AKR1B15: variants seen among roughly 807,000 people sequenced by gnomAD.
The protein encoded by AKR1B15 is aldo-keto reductase family 1 member B15.
AKR1B15 carries 49 observed loss-of-function variants against 38.5 expected under a neutral mutation model. The ratio of observed to expected loss-of-function variants is 1.27; its 90% CI spans 1.01 to 1.62. AKR1B15 has a LOEUF of 1.62. Ranked by LOEUF, AKR1B15 falls within the 40% of genes most tolerant of loss-of-function variation. The pLI, the probability that AKR1B15 is intolerant of heterozygous loss-of-function variation, is 0.00. For missense variants in AKR1B15, 411 were observed against 381.6 expected, an observed-to-expected ratio of 1.08 and a Z score of -0.64; for synonymous variants, 137 against 135.5, an observed-to-expected ratio of 1.01 and a Z score of -0.08.
At chr7:134,567,030 G>T (rs57859797) in intron 3 of AKR1B15, among the ~76,000 whole-genome samples, 10,831 of 152,294 alleles carry the variant, frequency 0.071, 643 homozygotes, top group East Asian at 0.3. Context: ...ACGTGGGGAT[G>T]ATAGATTAAA....
At chr7:134,554,235 G>C (rs1408129069) in intron 1 of AKR1B15, among the ~76,000 whole-genome samples, 2 of 152,188 alleles carry the variant, frequency 1.3e-5, no homozygotes, top group Non-Finnish European at 2.9e-5. Context: ...CCAAAGAGCA[G>C]ACTCTGCAGC....
In AKR1B15 at chr7:134,579,637, C is replaced by T; in HGVS notation, c.*88C>T. Reference sequence around the variant, plus strand: ...CCACTCAAGAACTATTTTAGCCAAGCTTATCTGAGATCACAGTGAACTTTG... The same window carrying T: ...CCACTCAAGAACTATTTTAGCCAAGTTTATCTGAGATCACAGTGAACTTTG... On this transcript the variant is annotated 3_prime_UTR_variant, in exon 12 of 12. Coordinates refer to ENST00000457545, the MANE Select transcript of AKR1B15 (RefSeq NM_001080538.3). 8.1e-7 allele frequency: 1 copy of T among 1,227,034 alleles called. No homozygotes were observed. The highest frequency in any genetic ancestry group is 1.1e-6 in the Non-Finnish European group (1 of 884,182). The allele number at this position is 1,227,034 out of a possible 1,614,324, so 76.0% of individuals were successfully genotyped here. A position where few individuals can be genotyped will look rare whatever the true frequency, so the allele number is the denominator to read the frequency against.
chr7:134,568,016 T>C (rs771425689), intron 3 of AKR1B15, 142 bp from the exon 4 acceptor site: 22 of 991,962 alleles, frequency 2.2e-5, no homozygotes, highest in Non-Finnish European at 2.9e-5. Context: ...TGGTGGTTGC[T>C]GAGTGTGGTG....
chr7:134,552,997 C>A (rs562095810), intron 1 of AKR1B15, among the ~76,000 whole-genome samples: 1 of 152,142 alleles, frequency 6.6e-6, no homozygotes, highest in Non-Finnish European at 1.5e-5. Context: ...CAACATACTA[C>A]GGACCTACTT....
chr7:134,575,300 C>T lies in AKR1B15; in HGVS notation c.514-120C>T, dbSNP rs997439739. On this transcript the variant is annotated intron_variant, in intron 6 of 11. Transcript: ENST00000457545. ...CCTGGACTGAAATTTCCTGTGAATGCTTCAGCTAACTCTGTTGCGGTGGAT... is the reference window on the plus strand; with the variant it reads ...CCTGGACTGAAATTTCCTGTGAATGTTTCAGCTAACTCTGTTGCGGTGGAT... 2.2e-5 allele frequency: 32 copies of T among 1,447,984 alleles called. No individual in the cohort carries two copies. The Admixed American group carries it at 2.7e-4, about 12-fold the overall frequency. The allele number at this position is 1,447,984 out of a possible 1,614,324, so 89.7% of individuals were successfully genotyped here. A position where few individuals can be genotyped will look rare whatever the true frequency, so the allele number is the denominator to read the frequency against.
At chr7:134,552,936 C>T (rs1411787987) in intron 1 of AKR1B15, among the ~76,000 whole-genome samples, 2 of 152,160 alleles carry the variant, frequency 1.3e-5, no homozygotes, top group Non-Finnish European at 2.9e-5. Flanking sequence ...CACTCTTCTC[C>T]AGTATGTAGA....
intron 1 of AKR1B15, among the ~76,000 whole-genome samples, chr7:134,550,571 A>G (rs1016124007): frequency 5.9e-5 from 9 of 152,142 alleles, no homozygotes; most frequent in Non-Finnish European, 8.8e-5. Flanking sequence ...GGCAAGAAAT[A>G]TTGGCTATAG....
At chr7:134,567,512 G>A (rs976267955) in intron 3 of AKR1B15, among the ~76,000 whole-genome samples, 14 of 151,982 alleles carry the variant, frequency 9.2e-5, no homozygotes, top group African/African-American at 3.4e-4. Context: ...ATTCATTACA[G>A]CATGTCATCA....
rs1189372007 is a variant in AKR1B15 at position 134,568,327 on chromosome 7, T to A, written c.318+2T>A. Reference sequence around the variant, plus strand: ...GAGGACCTGTTCATCGTCAGCAAGGTGCACATGGCGCATTTGGTGGGAGGC... The same window carrying A: ...GAGGACCTGTTCATCGTCAGCAAGGAGCACATGGCGCATTTGGTGGGAGGC... On this transcript the variant is annotated splice_donor_variant, in intron 4 of 11. Coordinates refer to ENST00000457545, the MANE Select transcript of AKR1B15 (RefSeq NM_001080538.3). LOFTEE classifies it high-confidence loss of function. 1 of 1,613,668 alleles carries A rather than the reference T, an allele frequency of 6.2e-7. No homozygotes were observed. The highest frequency in any genetic ancestry group is 8.5e-7 in the Non-Finnish European group (1 of 1,179,674).
At chr7:134,560,245 A>T (rs1182088568) in intron 2 of AKR1B15, among the ~76,000 whole-genome samples, 1 of 152,186 alleles carries the variant, frequency 6.6e-6, no homozygotes, top group Admixed American at 6.5e-5. Flanking sequence ...GTGACACTGC[A>T]CACATTCCAA....
intron 5 of AKR1B15, chr7:134,569,965 A>T (rs1273277148): frequency 6.2e-6 from 1 of 162,478 alleles, no homozygotes; most frequent in Admixed American, 5.8e-5. Context: ...AACAAGGGAG[A>T]TAACCTTAAA....
intron 6 of AKR1B15, among the ~76,000 whole-genome samples, chr7:134,571,954 G>C (rs1186032877): frequency 6.6e-6 from 1 of 152,180 alleles, no homozygotes; most frequent in Non-Finnish European, 1.5e-5. Flanking sequence ...CCAGGGTGAG[G>C]CATTTGGAAC....
intron 4 of AKR1B15, 23 bp downstream of exon 4, chr7:134,568,348 G>C: frequency 6.2e-7 from 1 of 1,612,512 alleles, no homozygotes; most frequent in Non-Finnish European, 8.5e-7. Context: ...CATTTGGTGG[G>C]AGGCCTTCAC....
At chr7:134,574,191 C>A (rs1402563027) in intron 6 of AKR1B15, among the ~76,000 whole-genome samples, 1 of 152,164 alleles carries the variant, frequency 6.6e-6, no homozygotes, top group Non-Finnish European at 1.5e-5. Context: ...CTGCATCCAG[C>A]CAGTACCTTT....
chr7:134,554,581 A>G (rs1363403978), intron 1 of AKR1B15, among the ~76,000 whole-genome samples: 2 of 152,204 alleles, frequency 1.3e-5, no homozygotes, highest in Admixed American at 6.5e-5. Flanking sequence ...CTTGTGCCCA[A>G]GTAAACACCA....
chr7:134,563,732 C>T (rs538872918), intron 2 of AKR1B15, among the ~76,000 whole-genome samples: 1 of 152,208 alleles, frequency 6.6e-6, no homozygotes, highest in South Asian at 2.1e-4. Flanking sequence ...ATCTTTCATC[C>T]CATCTCATCC....
At chr7:134,550,725 C>T (rs1793938273) in intron 1 of AKR1B15, among the ~76,000 whole-genome samples, 1 of 152,150 alleles carries the variant, frequency 6.6e-6, no homozygotes. Flanking sequence ...ACTCTTCTTC[C>T]CGGCCCCATA....
At position 134,568,311 on chromosome 7, in the gene AKR1B15, T is replaced by C. The variant is rs1475590015; in HGVS notation, c.304T>C (p.Phe102Leu). 1 of 1,614,098 alleles carries C rather than the reference T, an allele frequency of 6.2e-7. No homozygotes were observed. Among genetic ancestry groups the C allele is most frequent in the Non-Finnish European group, 8.5e-7 (1 of 1,179,976 alleles). Residue 102 changes from phenylalanine to leucine, a missense_variant, in exon 4 of 12, where the codon TTC (phenylalanine) becomes CTC (leucine). Coordinates refer to ENST00000457545, the MANE Select transcript of AKR1B15 (RefSeq NM_001080538.3). ...QEKAVMREDL[F>L]IVSKVWPTFF... Reference sequence around the variant, plus strand: ...GAAGGCTGTGATGCGGGAGGACCTGTTCATCGTCAGCAAGGTGCACATGGC... The same window carrying C: ...GAAGGCTGTGATGCGGGAGGACCTGCTCATCGTCAGCAAGGTGCACATGGC...
intron 2 of AKR1B15, among the ~76,000 whole-genome samples, chr7:134,563,349 C>T (rs1303981237): frequency 6.6e-6 from 1 of 152,108 alleles, no homozygotes; most frequent in African/African-American, 2.4e-5. Flanking sequence ...GGGTGGATCA[C>T]CTGAGGTCAG....
Sources: allele counts gnomAD v4.1 joint callset (sites outside exome capture counted in the v4.1 genomes callset), GRCh38; gene constraint gnomAD v4.1.1; transcripts MANE v1.5; gene names NCBI Gene and HGNC (gene_info 2026-07-23, HGNC 2026-07-21).